Variants in STAG1 observed in about 807,000 individuals in gnomAD.
The protein encoded by STAG1 is STAG1 cohesin complex component.
A neutral mutation model predicts 170.9 loss-of-function variants in STAG1; 26 were observed. The observed-to-expected ratio is 0.15, with a 90% CI of 0.11 to 0.21. The LOEUF (loss-of-function observed/expected upper bound fraction) is 0.21. STAG1 is among the 10% of genes least tolerant of loss of function. STAG1 has a pLI of 1.00. For missense variants in STAG1, 964 were observed against 1,509.5 expected (o/e 0.64, Z 5.99); for synonymous variants, 514 against 497.7 (o/e 1.03, Z -0.44).
intron 9 of STAG1, among the ~76,000 whole-genome samples, chr3:136,492,916 T>C (rs1277833446): frequency 6.6e-6 from 1 of 152,014 alleles, no homozygotes; most frequent in Non-Finnish European, 1.5e-5. Flanking sequence ...AAAATATATA[T>C]GACAATAATA....
chr3:136,370,527 C>A (rs1180142776), intron 23 of STAG1, among the ~76,000 whole-genome samples: 1 of 152,120 alleles, frequency 6.6e-6, no homozygotes, highest in East Asian at 1.9e-4. Context: ...CACCCCACAA[C>A]AGTCCCCAGT....
At chr3:136,506,476 C>CAAAAAAAAAAAA (rs11414654) in intron 7 of STAG1, among the ~76,000 whole-genome samples, 7 of 85,212 alleles carry the variant, frequency 8.2e-5, no homozygotes, top group Non-Finnish European at 1.5e-4. Flanking sequence ...ACTAAAAATA[C>CAAAAAAAAAAAA]AAAAAAAAAA....
chr3:136,548,743 G>A (rs1380499077), intron 5 of STAG1, among the ~76,000 whole-genome samples: 2 of 152,050 alleles, frequency 1.3e-5, no homozygotes, highest in Non-Finnish European at 2.9e-5. Context: ...TCCTAATATG[G>A]TTTGGGTCTG....
At chr3:136,710,787 CAAAA>C (rs570836999) in intron 1 of STAG1, among the ~76,000 whole-genome samples, 2 of 145,502 alleles carry the variant, frequency 1.4e-5, no homozygotes, top group Non-Finnish European at 3.0e-5. Context: ...GTCCCCCTAC[CAAAA>C]AAAAAATGAA....
chr3:136,733,287 T>A (rs1318498102), intron 1 of STAG1, among the ~76,000 whole-genome samples: 1 of 151,890 alleles, frequency 6.6e-6, no homozygotes, highest in Non-Finnish European at 1.5e-5. Context: ...GGTTTCGCTA[T>A]GTTGCCCAGG....
chr3:136,570,844 T>C (rs1937246375), intron 4 of STAG1, among the ~76,000 whole-genome samples: 1 of 152,256 alleles, frequency 6.6e-6, no homozygotes, highest in Non-Finnish European at 1.5e-5. Flanking sequence ...ACTGTTTCAC[T>C]GTCTCATCAC....
intron 21 of STAG1, among the ~76,000 whole-genome samples, chr3:136,415,524 A>G (rs1249166631): frequency 6.6e-6 from 1 of 152,160 alleles, no homozygotes; most frequent in Non-Finnish European, 1.5e-5. Flanking sequence ...TTAAAAAGTG[A>G]GCTTGCATGG....
intron 5 of STAG1, among the ~76,000 whole-genome samples, 192 bp downstream of exon 5, chr3:136,568,573 G>A (rs920945269): frequency 2.0e-5 from 3 of 152,054 alleles, no homozygotes; most frequent in Admixed American, 6.6e-5. Flanking sequence ...TTACTTTATA[G>A]GAGCAAAACT....
At position 136,660,920 on chromosome 3, in the gene STAG1, G is replaced by A. The variant is rs546271699; in HGVS notation, c.-83-29939C>T. Among the ~76,000 whole-genome samples the A allele has an allele frequency of 1.4e-4, 22 of 152,248 alleles. No homozygotes were observed. In the East Asian group the frequency reaches 2.9e-3, roughly 20 times the overall value. On this transcript the variant is annotated intron_variant, in intron 1 of 33. Coordinates refer to ENST00000383202, the MANE Select transcript of STAG1 (RefSeq NM_005862.3). ...GGAGTTCAAGGCTGAAGTAAGCCAT[G>A]ATTGTGTCACTGCACTCCAGCCTGG...
chr3:136,637,371 T>A (rs972178546), intron 1 of STAG1, among the ~76,000 whole-genome samples: 1 of 152,190 alleles, frequency 6.6e-6, no homozygotes, highest in Admixed American at 6.5e-5. Flanking sequence ...TTTGAAAATA[T>A]CAGCCTAGAA....
intron 1 of STAG1, among the ~76,000 whole-genome samples, chr3:136,633,624 C>T (rs1022096481): frequency 6.9e-6 from 1 of 144,712 alleles, no homozygotes; most frequent in East Asian, 2.1e-4. Flanking sequence ...CACTTGAACT[C>T]GGAAGGCAGA....
intron 23 of STAG1, among the ~76,000 whole-genome samples, chr3:136,371,221 ATCTG>A (rs778641519): frequency 6.6e-6 from 1 of 152,150 alleles, no homozygotes; most frequent in African/African-American, 2.4e-5. Context: ...TTTCTTGTAA[ATCTG>A]TCTGAGTTCA....
intron 1 of STAG1, among the ~76,000 whole-genome samples, chr3:136,646,135 C>T (rs977390428): frequency 6.6e-6 from 1 of 152,152 alleles, no homozygotes; most frequent in Non-Finnish European, 1.5e-5. Context: ...TCACTGTCTA[C>T]GTGTCTCTTC....
At chr3:136,678,510 G>A (rs573693711) in intron 1 of STAG1, among the ~76,000 whole-genome samples, 3 of 141,024 alleles carry the variant, frequency 2.1e-5, no homozygotes, top group East Asian at 2.0e-4. Flanking sequence ...AAAAATAAAC[G>A]AGGTAAACAT....
At chr3:136,402,568 C>T (rs1300347127) in intron 21 of STAG1, among the ~76,000 whole-genome samples, 1 of 151,896 alleles carries the variant, frequency 6.6e-6, no homozygotes, top group Non-Finnish European at 1.5e-5. Flanking sequence ...CAGTGGTTCA[C>T]ATCTGTAATC....
intron 3 of STAG1, among the ~76,000 whole-genome samples, chr3:136,619,756 CAAAAAAAAAA>C (rs62857261): frequency 4.4e-5 from 3 of 67,760 alleles, no homozygotes; most frequent in Non-Finnish European, 7.8e-5. Flanking sequence ...GACTCTGTCT[CAAAAAAAAAA>C]AAAAAAAAAA....
intron 3 of STAG1, among the ~76,000 whole-genome samples, chr3:136,614,070 G>C (rs1390350393): frequency 6.6e-6 from 1 of 152,088 alleles, no homozygotes; most frequent in Non-Finnish European, 1.5e-5. Context: ...CAAAAAATTA[G>C]CCAGGCATGG....
At chr3:136,602,327 C>T (rs540760103) in intron 4 of STAG1, among the ~76,000 whole-genome samples, 4 of 148,286 alleles carry the variant, frequency 2.7e-5, no homozygotes, top group African/African-American at 5.0e-5. Flanking sequence ...TGCAGCGAGC[C>T]GGGATCACGC....
At chr3:136,724,090 G>A (rs537559490) in intron 1 of STAG1, among the ~76,000 whole-genome samples, 6 of 152,028 alleles carry the variant, frequency 3.9e-5, no homozygotes, top group East Asian at 2.0e-4. Flanking sequence ...CCACCACCCC[G>A]TCTGGGAGGT....
Sources: gnomAD v4.1 joint callset for allele counts (sites outside exome capture counted in the v4.1 genomes callset) on GRCh38, gnomAD v4.1.1 for gene constraint, MANE v1.5 for transcripts, NCBI Gene and HGNC (gene_info 2026-07-23, HGNC 2026-07-21) for gene names.